Variants in SOCS2 observed in about 807,000 individuals in gnomAD.
SOCS2 encodes CIS-2.
Under a neutral mutation model 18.6 loss-of-function variants are expected in SOCS2, and 10 were observed. That is an observed-to-expected ratio of 0.54 (90% CI 0.33 to 0.91). The LOEUF is 0.91. Ranked by LOEUF, SOCS2 falls within the 40% of genes least tolerant of loss-of-function variation. The pLI is 0.02. For missense variants in SOCS2, 231 were observed against 247.2 expected, an observed-to-expected ratio of 0.93 and a Z score of 0.44; for synonymous variants, 104 against 104.0, an observed-to-expected ratio of 1.00 and a Z score of 0.00.
At chr12:93,571,638 T>G, upstream of SOCS2, 1 of 217,722 alleles carries the variant, frequency 4.6e-6, no homozygotes, top group Non-Finnish European at 9.5e-6. Flanking sequence ...GTAGGGGGCG[T>G]CGCCGCGCGG....
the SOCS2 span, among the ~76,000 whole-genome samples, chr12:93,614,892 G>A: frequency 2.6e-5 from 4 of 150,996 alleles, no homozygotes; most frequent in African/African-American, 9.8e-5. Context: ...GGGATTACAG[G>A]CATGAGCCAC....
At chr12:93,580,339 T>G (rs1246847100), downstream of SOCS2, among the ~76,000 whole-genome samples, 4 of 152,176 alleles carry the variant, frequency 2.6e-5, no homozygotes, top group African/African-American at 9.7e-5. Flanking sequence ...AAATCCATGT[T>G]AGCCAGGCAC....
At chr12:93,583,956 T>A (rs1592838194), downstream of SOCS2, among the ~76,000 whole-genome samples, 1 of 152,196 alleles carries the variant, frequency 6.6e-6, no homozygotes, top group Non-Finnish European at 1.5e-5. Flanking sequence ...CTCTTAAAGA[T>A]CTTAATTACC....
downstream of SOCS2, among the ~76,000 whole-genome samples, chr12:93,588,372 A>C (rs1295607377): frequency 6.6e-6 from 1 of 152,252 alleles, no homozygotes; most frequent in African/African-American, 2.4e-5. Context: ...CAAATATAAA[A>C]AATAATTTGA....
At chr12:93,625,099 C>T in the SOCS2 span, among the ~76,000 whole-genome samples, 1 of 152,202 alleles carries the variant, frequency 6.6e-6, no homozygotes, top group Non-Finnish European at 1.5e-5. Context: ...CTTTAGCATT[C>T]GCATTTGCTC....
the SOCS2 span, among the ~76,000 whole-genome samples, chr12:93,615,859 G>T: frequency 3.3e-5 from 5 of 152,226 alleles, no homozygotes; most frequent in Admixed American, 6.5e-5. Context: ...GCCTCCCAAA[G>T]TGTTGGGATT....
the SOCS2 span, among the ~76,000 whole-genome samples, chr12:93,595,564 TCTC>T: frequency 6.6e-6 from 1 of 152,230 alleles, no homozygotes; most frequent in Non-Finnish European, 1.5e-5. Context: ...GCCTGCTCCT[TCTC>T]CTCTCACAGA....
chr12:93,570,602 C>T (rs1954208233), upstream of SOCS2: 1 of 152,412 alleles, frequency 6.6e-6, no homozygotes, highest in Non-Finnish European at 1.5e-5. Context: ...GAACCCACCC[C>T]CGTGGCAGGC....
At chr12:93,594,381 T>C in the SOCS2 span, among the ~76,000 whole-genome samples, 1 of 152,194 alleles carries the variant, frequency 6.6e-6, no homozygotes, top group South Asian at 2.1e-4. Flanking sequence ...TACAGCTCTT[T>C]ACATATTCTG....
chr12:93,599,548 G>GA, the SOCS2 span, among the ~76,000 whole-genome samples: 2 of 152,114 alleles, frequency 1.3e-5, no homozygotes, highest in African/African-American at 2.4e-5. Flanking sequence ...TATATACATT[G>GA]AAAAAACCTT....
chr12:93,574,176 A>T (rs1056923105), intron 1 of SOCS2: 1 of 150,460 alleles, frequency 6.6e-6, no homozygotes, highest in Admixed American at 6.6e-5. Context: ...TCTACATAGA[A>T]GGCTGTTCAT....
At chr12:93,572,420 A>C, upstream of SOCS2, 1 of 340,754 alleles carries the variant, frequency 2.9e-6, no homozygotes. The surrounding 1 kb of genome is among the most constrained non-coding windows in gnomAD (Gnocchi z 5.0). Flanking sequence ...GATTTCAGCT[A>C]GTGACCCTGG....
upstream of SOCS2, chr12:93,572,542 G>A: frequency 6.6e-6 from 3 of 456,158 alleles, no homozygotes; most frequent in East Asian, 4.8e-5. This position sits in a 1 kb window ranked among gnomAD's most constrained non-coding sequence, Gnocchi z 5.0. Flanking sequence ...GGGCCAGGGC[G>A]CTAACTGGAA....
At chr12:93,614,539 CCTTCTTTCTTTCTTTCTTT>C in the SOCS2 span, among the ~76,000 whole-genome samples, 3 of 82,522 alleles carry the variant, frequency 3.6e-5, no homozygotes, top group African/African-American at 7.1e-5. Context: ...TTCCTTCCTT[CCTTCTTTCTTTCTTTCTTT>C]CTTTCTTTCT....
intron 1 of SOCS2, chr12:93,574,219 T>C (rs1365316208): frequency 6.7e-6 from 1 of 150,316 alleles, no homozygotes; most frequent in East Asian, 1.9e-4. Context: ...TTTTTTTTTT[T>C]TTTTTTTTTT....
At chr12:93,587,021 C>T (rs939061998), downstream of SOCS2, among the ~76,000 whole-genome samples, 4 of 152,128 alleles carry the variant, frequency 2.6e-5, no homozygotes, top group Non-Finnish European at 4.4e-5. Context: ...TACAAAAATT[C>T]GCCAGGTGTG....
chr12:93,609,900 G>C, the SOCS2 span, among the ~76,000 whole-genome samples: 1 of 152,290 alleles, frequency 6.6e-6, no homozygotes, highest in East Asian at 1.9e-4. Context: ...TATCTGGAGA[G>C]GGCCTTCTTG....
chr12:93,621,296 C>A, the SOCS2 span, among the ~76,000 whole-genome samples: 6 of 152,060 alleles, frequency 3.9e-5, no homozygotes, highest in Admixed American at 3.9e-4. Context: ...GAAGTTGCCT[C>A]AAAGCACCTG....
At chr12:93,618,708 T>C in the SOCS2 span, among the ~76,000 whole-genome samples, 1 of 152,238 alleles carries the variant, frequency 6.6e-6, no homozygotes. Flanking sequence ...GAGTAGCCCC[T>C]CTCAGCCATT....
Sources: gnomAD v4.1 joint callset for allele counts (sites outside exome capture counted in the v4.1 genomes callset) on GRCh38, gnomAD v4.1.1 for gene constraint, Gnocchi (gnomAD v3.1) non-coding constraint, MANE v1.5 for transcripts, NCBI Gene and HGNC (gene_info 2026-07-23, HGNC 2026-07-21) for gene names.